GRID2: variants seen among roughly 807,000 people sequenced by gnomAD.
GRID2 encodes the protein glutamate receptor ionotropic, delta-2.
A neutral mutation model predicts 114.8 loss-of-function variants in GRID2; 33 were observed. That is an observed-to-expected ratio of 0.29 (90% CI 0.22 to 0.38). The LOEUF (loss-of-function observed/expected upper bound fraction) is 0.38. GRID2 is among the 10% of genes least tolerant of loss of function. The pLI is 1.00. For synonymous variants in GRID2, 505 were observed against 449.9 expected (o/e 1.12, Z -1.55); for missense variants, 1,184 against 1,257.7 (o/e 0.94, Z 0.89).
intron 8 of GRID2, chr4:93,282,368 T>G: frequency 2.2e-6 from 1 of 447,720 alleles, no homozygotes; most frequent in Non-Finnish European, 4.5e-6. Flanking sequence ...ATAACTTTAT[T>G]TATTGTAGTT....
intron 13 of GRID2, among the ~76,000 whole-genome samples, chr4:93,534,975 A>G (rs1731884732): frequency 6.6e-6 from 1 of 151,914 alleles, no homozygotes; most frequent in African/African-American, 2.4e-5. Flanking sequence ...CATCTTTTAA[A>G]TGAAAGTAAA....
chr4:92,441,409 T>C (rs1733066457), intron 1 of GRID2, among the ~76,000 whole-genome samples: 1 of 152,046 alleles, frequency 6.6e-6, no homozygotes, highest in African/African-American at 2.4e-5. Flanking sequence ...GAAGAGAGGC[T>C]GGGATTAAGG....
chr4:93,007,518 A>G (rs1328777749), intron 2 of GRID2, among the ~76,000 whole-genome samples: 3 of 152,178 alleles, frequency 2.0e-5, no homozygotes, highest in Non-Finnish European at 4.4e-5. Context: ...TTCTGGCATC[A>G]AGATTATAAA....
At chr4:93,179,719 G>T (rs1258226385) in intron 4 of GRID2, among the ~76,000 whole-genome samples, 2 of 152,130 alleles carry the variant, frequency 1.3e-5, no homozygotes, top group Non-Finnish European at 2.9e-5. Flanking sequence ...AAGCTTGGAA[G>T]AATTACATAA....
intron 2 of GRID2, among the ~76,000 whole-genome samples, chr4:92,905,809 C>T (rs772106842): frequency 3.6e-4 from 54 of 151,634 alleles, no homozygotes; most frequent in Admixed American, 1.1e-3. Context: ...TACAATCAGA[C>T]AATCAGAGGA....
intron 2 of GRID2, among the ~76,000 whole-genome samples, chr4:92,850,818 A>C (rs953375958): frequency 6.6e-6 from 1 of 151,932 alleles, no homozygotes; most frequent in Non-Finnish European, 1.5e-5. Flanking sequence ...GATGATTGGG[A>C]TGTGTTCAAA....
chr4:93,343,793 C>T (rs1399340719), intron 8 of GRID2, among the ~76,000 whole-genome samples: 2 of 151,976 alleles, frequency 1.3e-5, no homozygotes, highest in African/African-American at 2.4e-5. Flanking sequence ...TGTGGCTAAC[C>T]GTCAGATTTT....
intron 4 of GRID2, among the ~76,000 whole-genome samples, chr4:93,188,262 C>T (rs1740630829): frequency 6.6e-6 from 1 of 151,902 alleles, no homozygotes; most frequent in South Asian, 2.1e-4. Context: ...GCCTCCACAG[C>T]TCATAAATTC....
At chr4:92,881,821 T>C (rs1219703962) in intron 2 of GRID2, among the ~76,000 whole-genome samples, 1 of 152,208 alleles carries the variant, frequency 6.6e-6, no homozygotes, top group African/African-American at 2.4e-5. Context: ...ATATATGTTT[T>C]GATGTGATAT....
intron 8 of GRID2, among the ~76,000 whole-genome samples, chr4:93,358,808 T>G (rs148954196): frequency 6.6e-6 from 1 of 152,128 alleles, no homozygotes; most frequent in Non-Finnish European, 1.5e-5. Context: ...TTAAGTCTGC[T>G]ACTACTATTA....
At chr4:93,110,407 A>T (rs1282480023) in intron 3 of GRID2, among the ~76,000 whole-genome samples, 1 of 152,098 alleles carries the variant, frequency 6.6e-6, no homozygotes, top group East Asian at 1.9e-4. Context: ...GAAAATAGGG[A>T]ATGTCTTTCC....
At chr4:92,470,518 A>G (rs1214286454) in intron 1 of GRID2, among the ~76,000 whole-genome samples, 1 of 152,012 alleles carries the variant, frequency 6.6e-6, no homozygotes, top group Non-Finnish European at 1.5e-5. Flanking sequence ...GTAATGTCAA[A>G]GCAAGTCCTC....
intron 12 of GRID2, among the ~76,000 whole-genome samples, chr4:93,495,798 G>C (rs543868480): frequency 2.0e-4 from 30 of 151,844 alleles, no homozygotes; most frequent in African/African-American, 7.0e-4. Flanking sequence ...TTTGGCTTCA[G>C]AAACTTCATA....
At chr4:92,839,262 G>GT (rs1199240663) in intron 2 of GRID2, among the ~76,000 whole-genome samples, 1 of 151,244 alleles carries the variant, frequency 6.6e-6, no homozygotes, top group Non-Finnish European at 1.5e-5. Flanking sequence ...ACTGTGTGTT[G>GT]TAAGAGTTCT....
intron 1 of GRID2, among the ~76,000 whole-genome samples, chr4:92,559,158 T>C (rs2149180298): frequency 6.6e-6 from 1 of 152,324 alleles, no homozygotes; most frequent in African/African-American, 2.4e-5. Flanking sequence ...AGCCATTTGA[T>C]AAATATACAT....
chr4:92,760,118 T>C (rs1737919981), intron 2 of GRID2, among the ~76,000 whole-genome samples: 1 of 150,784 alleles, frequency 6.6e-6, no homozygotes, highest in African/African-American at 2.4e-5. Context: ...CATATGCCTG[T>C]CTACTCAGCT....
intron 1 of GRID2, among the ~76,000 whole-genome samples, chr4:92,545,813 G>C (rs910023944): frequency 2.6e-5 from 4 of 152,112 alleles, no homozygotes; most frequent in Admixed American, 2.6e-4. Flanking sequence ...ACGAAAGCCA[G>C]CTCAGATTTT....
chr4:93,178,706 A>T (rs66494208), intron 4 of GRID2, among the ~76,000 whole-genome samples: 1 of 151,796 alleles, frequency 6.6e-6, no homozygotes, highest in African/African-American at 2.4e-5. Flanking sequence ...GTTTTCAAGA[A>T]GAGAATGTTT....
chr4:93,322,650 T>C (rs960178008), intron 8 of GRID2, among the ~76,000 whole-genome samples: 2 of 152,182 alleles, frequency 1.3e-5, no homozygotes, highest in Admixed American at 6.5e-5. Flanking sequence ...TGAACTAGTT[T>C]AGAGTCCCAC....
Sources: allele counts gnomAD v4.1 joint callset (sites outside exome capture counted in the v4.1 genomes callset), GRCh38; gene constraint gnomAD v4.1.1; transcripts MANE v1.5; gene names NCBI Gene and HGNC (gene_info 2026-07-23, HGNC 2026-07-21).